The following SLC24A3 variants were observed in gnomAD, a reference collection of about 807,000 sequenced individuals.
SLC24A3 encodes the protein solute carrier family 24 member 3.
In SLC24A3, 28 loss-of-function variants were observed where a neutral mutation model predicts 75.8. That is an observed-to-expected ratio of 0.37 (90% CI 0.27 to 0.51). The LOEUF is 0.51. Among genes scored for constraint, SLC24A3 ranks in the 20% least tolerant of loss-of-function variants. The pLI, the probability that SLC24A3 is intolerant of heterozygous loss-of-function variation, is 0.94. For missense variants in SLC24A3, 663 were observed against 847.8 expected (o/e 0.78, Z 2.71); for synonymous variants, 372 against 334.1 (o/e 1.11, Z -1.24).
At chr20:19,712,333 A>C (rs1365028463) in intron 15 of SLC24A3, among the ~76,000 whole-genome samples, 1 of 152,046 alleles carries the variant, frequency 6.6e-6, no homozygotes, top group Non-Finnish European at 1.5e-5. Flanking sequence ...GGAAAAACTC[A>C]CGAGCCAGGC....
At chr20:19,537,435 G>T (rs878884821) in intron 3 of SLC24A3, among the ~76,000 whole-genome samples, 7 of 152,200 alleles carry the variant, frequency 4.6e-5, no homozygotes, top group African/African-American at 9.6e-5. Context: ...GGTGGGACTG[G>T]AAACTAGTTC....
At chr20:19,397,428 T>C (rs913349806) in intron 2 of SLC24A3, among the ~76,000 whole-genome samples, 1 of 152,086 alleles carries the variant, frequency 6.6e-6, no homozygotes, top group Non-Finnish European at 1.5e-5. Context: ...ACCCCAACAG[T>C]TGGAAAGAAA....
chr20:19,242,254 G>A (rs1982352298), intron 1 of SLC24A3: 1 of 152,246 alleles, frequency 6.6e-6, no homozygotes, highest in Non-Finnish European at 1.5e-5. Context: ...TTAAGCTGGA[G>A]CCAGGCTGCA....
chr20:19,547,373 A>T (rs1240917987), intron 3 of SLC24A3, among the ~76,000 whole-genome samples: 1 of 152,202 alleles, frequency 6.6e-6, no homozygotes, highest in Non-Finnish European at 1.5e-5. Flanking sequence ...TGACCTGAAG[A>T]TGAGGATAGG....
At chr20:19,404,014 T>A (rs1045145731) in intron 2 of SLC24A3, among the ~76,000 whole-genome samples, 3 of 152,226 alleles carry the variant, frequency 2.0e-5, no homozygotes, top group African/African-American at 7.2e-5. Flanking sequence ...CTTTGGGACT[T>A]GATGAAGGTC....
chr20:19,334,134 G>A (rs1985071109), intron 2 of SLC24A3, among the ~76,000 whole-genome samples: 1 of 152,092 alleles, frequency 6.6e-6, no homozygotes, highest in African/African-American at 2.4e-5. Context: ...CATGTAAATG[G>A]GTGGTCGTTG....
At chr20:19,434,485 A>C (rs1987160593) in intron 2 of SLC24A3, among the ~76,000 whole-genome samples, 1 of 152,234 alleles carries the variant, frequency 6.6e-6, no homozygotes, top group Non-Finnish European at 1.5e-5. Flanking sequence ...GAAAAAACAG[A>C]AAACTTTATA....
chr20:19,299,190 GTGTGTGTA>G (rs1414804559), intron 2 of SLC24A3, among the ~76,000 whole-genome samples: 10 of 134,224 alleles, frequency 7.5e-5, no homozygotes, highest in African/African-American at 3.0e-4. Flanking sequence ...GTGTGTGTGT[GTGTGTGTA>G]TGTGTGTGTG....
chr20:19,262,448 T>G (rs1453320856), intron 1 of SLC24A3, among the ~76,000 whole-genome samples: 1 of 144,174 alleles, frequency 6.9e-6, no homozygotes, highest in African/African-American at 2.5e-5. Context: ...AAATAGGACA[T>G]CAGTAGCTCT....
intron 15 of SLC24A3, among the ~76,000 whole-genome samples, chr20:19,702,621 G>T (rs1308937949): frequency 2.1e-5 from 1 of 46,986 alleles, no homozygotes; most frequent in African/African-American, 6.9e-5. Flanking sequence ...TGTAATAAGT[G>T]CAAAAAAAAA....
At chr20:19,540,036 G>C (rs2122586102) in intron 3 of SLC24A3, among the ~76,000 whole-genome samples, 1 of 152,238 alleles carries the variant, frequency 6.6e-6, no homozygotes, top group Admixed American at 6.5e-5. Context: ...ACCTGTTTTG[G>C]GCAATAGGAA....
At chr20:19,368,108 G>A (rs1181313343) in intron 2 of SLC24A3, among the ~76,000 whole-genome samples, 3 of 152,232 alleles carry the variant, frequency 2.0e-5, no homozygotes, top group African/African-American at 7.2e-5. Flanking sequence ...GTGAGTGTGT[G>A]TGTGTGTGTG....
intron 1 of SLC24A3, among the ~76,000 whole-genome samples, chr20:19,254,848 T>A (rs889135058): frequency 1.3e-5 from 2 of 152,182 alleles, no homozygotes; most frequent in Admixed American, 1.3e-4. Context: ...CCAGATTGCC[T>A]GGGTTCAAAT....
At position 19,722,921 on chromosome 20, in the gene SLC24A3, A is replaced by T. The variant is rs1600359079; in HGVS notation, c.*1781A>T. 1 of 152,788 alleles carries T rather than the reference A, an allele frequency of 6.5e-6. No individual in the cohort carries two copies. The highest frequency in any genetic ancestry group is 1.9e-4 in the East Asian group (1 of 5,186). 9.5% of individuals were successfully genotyped at this position (152,788 alleles called of 1,614,324 possible). On this transcript the variant is annotated 3_prime_UTR_variant, in exon 17 of 17. Coordinates refer to ENST00000328041, the MANE Select transcript of SLC24A3 (RefSeq NM_020689.4). ...TATCCTTCCCAGAGCAGAGTGCATT[A>T]CTTTCTCCCCTGGAAAGCTGTGCAT...
rs6035419 is a variant in SLC24A3, at chr20:19,698,320, T to C, written c.1607-248T>C. Among the ~76,000 whole-genome samples the C allele has an allele frequency of 4.1e-3, 632 of 152,382 alleles. 6 individuals carry two copies. The highest frequency in any genetic ancestry group is 0.014 in the African/African-American group (586 of 41,596). On this transcript the variant is annotated intron_variant, in intron 14 of 16. Coordinates refer to ENST00000328041, the MANE Select transcript of SLC24A3 (RefSeq NM_020689.4). ...CAGACACAAAGCCTATCACTGTATTTGGTTTTTTGAATCACTTATATTCAA... is the reference window on the plus strand; with the variant it reads ...CAGACACAAAGCCTATCACTGTATTCGGTTTTTTGAATCACTTATATTCAA...
rs184347986 is a variant in SLC24A3, at chr20:19,423,650, C to T, written c.272-91838C>T. Reference sequence around the variant, plus strand: ...AACACAGCATCATCCAGAGCTTGAGCAAAGGCAGGCAGCAAGGAAGCAGGA... The same window carrying T: ...AACACAGCATCATCCAGAGCTTGAGTAAAGGCAGGCAGCAAGGAAGCAGGA... On this transcript the variant is annotated intron_variant, in intron 2 of 16. Transcript: ENST00000328041. Among the ~76,000 whole-genome samples, 354 of 152,258 alleles carry T rather than the reference C, an allele frequency of 2.3e-3. 1 individual carries two copies. Among genetic ancestry groups the T allele is most frequent in the African/African-American group, 8.3e-3 (345 of 41,548 alleles).
intron 1 of SLC24A3, among the ~76,000 whole-genome samples, chr20:19,273,102 G>C (rs1983379664): frequency 6.6e-6 from 1 of 152,172 alleles, no homozygotes; most frequent in Non-Finnish European, 1.5e-5. Flanking sequence ...TGGACTTCTG[G>C]CTCAGGGCTT....
At position 19,498,797 on chromosome 20, in the gene SLC24A3, T is replaced by C. The variant is rs866277935; in HGVS notation, c.272-16691T>C. 2.6e-5 allele frequency among the ~76,000 whole-genome samples: 4 copies of C among 152,214 alleles called. No individual in the cohort carries two copies. In the South Asian group the frequency reaches 8.3e-4, roughly 32 times the overall value. ...GGTCCACTTCACCTCCCTTTAAGACTGGTTAAATCTTTGTAACTGCCATGA... is the reference window on the plus strand; with the variant it reads ...GGTCCACTTCACCTCCCTTTAAGACCGGTTAAATCTTTGTAACTGCCATGA... On this transcript the variant is annotated intron_variant, in intron 2 of 16. Coordinates refer to ENST00000328041, the MANE Select transcript of SLC24A3 (RefSeq NM_020689.4).
At chr20:19,407,694 C>A (rs1195857807) in intron 2 of SLC24A3, among the ~76,000 whole-genome samples, 1 of 152,196 alleles carries the variant, frequency 6.6e-6, no homozygotes, top group African/African-American at 2.4e-5. Context: ...TTAAACTATG[C>A]CCTTCTTTTC....
Sources: allele counts gnomAD v4.1 joint callset (sites outside exome capture counted in the v4.1 genomes callset), GRCh38; gene constraint gnomAD v4.1.1; transcripts MANE v1.5; gene names NCBI Gene and HGNC (gene_info 2026-07-23, HGNC 2026-07-21).